Variants in POLR2F observed in about 807,000 individuals in gnomAD.
POLR2F encodes RNA polymerase II, I and III subunit F.
Under a neutral mutation model 22.7 loss-of-function variants are expected in POLR2F, and 12 were observed. That is an observed-to-expected ratio of 0.53 (90% CI 0.34 to 0.86). The LOEUF is 0.86. Among genes scored for constraint, POLR2F ranks in the 40% least tolerant of loss-of-function variants. POLR2F has a pLI of 0.02. For synonymous variants in POLR2F, 57 were observed against 66.0 expected (o/e 0.86, Z 0.66); for missense variants, 126 against 171.5 (o/e 0.73, Z 1.48).
rs1185830797 is a variant in POLR2F at position 37,978,390 on chromosome 22, C to G, written c.293+11220C>G. Among the ~76,000 whole-genome samples the G allele has an allele frequency of 6.6e-6, 1 of 152,208 alleles. No homozygotes were observed. Among genetic ancestry groups the G allele is most frequent in the African/African-American group, 2.4e-5 (1 of 41,452 alleles). Reference sequence around the variant, plus strand: ...CTGGAGGGTGAGAGAGGGGTCAGCCCGCTGCTCCTGGCAGCCCCTGAGGAG... The same window carrying G: ...CTGGAGGGTGAGAGAGGGGTCAGCCGGCTGCTCCTGGCAGCCCCTGAGGAG... On this transcript the variant is annotated intron_variant, in intron 4 of 4. Transcript: ENST00000405557. The surrounding 1 kb of genome is among the most constrained non-coding windows in gnomAD (Gnocchi z 5.0).
At position 37,967,974 on chromosome 22, in the gene POLR2F, T is replaced by C; in HGVS notation, c.*259T>C. ...CACATCCTTCCCTCCATCTCCCTGTTCCCCAGAGCAAAGGCTGCTGCAGGG... is the reference window on the plus strand; with the variant it reads ...CACATCCTTCCCTCCATCTCCCTGTCCCCCAGAGCAAAGGCTGCTGCAGGG... On this transcript the variant is annotated 3_prime_UTR_variant, in exon 5 of 5. Coordinates refer to ENST00000442738, the MANE Select transcript of POLR2F (RefSeq NM_021974.5). The C allele has an allele frequency of 9.0e-7, 1 of 1,114,524 alleles. No individual in the cohort carries two copies. Among genetic ancestry groups the C allele is most frequent in the South Asian group, 3.2e-5 (1 of 31,054 alleles). The allele number at this position is 1,114,524 out of a possible 1,614,324, so 69.0% of individuals were successfully genotyped here.
At position 37,997,839 on chromosome 22, in the gene POLR2F, G is replaced by A. The variant is rs1025588137; in HGVS notation, c.120+11527G>A. Reference sequence around the variant, plus strand: ...CCACAGCTCACCGTCTGTCGAGGGGGGACAGGCAGGAGGTAAGGATGCGTC... The same window carrying A: ...CCACAGCTCACCGTCTGTCGAGGGGAGACAGGCAGGAGGTAAGGATGCGTC... On this transcript the variant is annotated intron_variant, in intron 1 of 2. Transcript: ENST00000333418. This position sits in a 1 kb window ranked among gnomAD's most constrained non-coding sequence, Gnocchi z 4.4. Among the ~76,000 whole-genome samples, 2 of 152,146 alleles carry A rather than the reference G, an allele frequency of 1.3e-5. No homozygotes were observed. The highest frequency in any genetic ancestry group is 2.9e-5 in the Non-Finnish European group (2 of 68,018).
rs759260476 is a variant in POLR2F at position 37,986,783 on chromosome 22, A to G, written c.120+471A>G. On this transcript the variant is annotated intron_variant, in intron 1 of 2. Transcript: ENST00000333418. The surrounding 1 kb of genome is among the most constrained non-coding windows in gnomAD (Gnocchi z 4.7). ...CCCTGCTGCGAACACATCCCTGCCC[A>G]CCATGCTGGCAACTGGGATCCCCTC... 4.3e-6 allele frequency: 2 copies of G among 463,510 alleles called. No individual in the cohort carries two copies. Among genetic ancestry groups the G allele is most frequent in the African/African-American group, 4.0e-5 (2 of 50,340 alleles). 28.7% of individuals were successfully genotyped at this position (463,510 alleles called of 1,614,324 possible).
chr22:37,981,532 G>T (rs899844079), upstream of POLR2F, among the ~76,000 whole-genome samples: 2 of 152,208 alleles, frequency 1.3e-5, no homozygotes, highest in East Asian at 1.9e-4. Context: ...GGGGAACCTG[G>T]GGACAGGGAC....
At chr22:38,037,662 A>G (rs2085129817) in intron 5 of POLR2F, among the ~76,000 whole-genome samples, 1 of 147,780 alleles carries the variant, frequency 6.8e-6, no homozygotes, top group Non-Finnish European at 1.5e-5. Context: ...GCACCATCTC[A>G]GCTCACTGCA....
intron 1 of POLR2F, among the ~76,000 whole-genome samples, chr22:37,954,160 A>ATAAG (rs931230793): frequency 1.3e-5 from 2 of 152,070 alleles, no homozygotes; most frequent in Admixed American, 6.5e-5. Flanking sequence ...TCACAGGCCC[A>ATAAG]TAAGTAAGCA....
downstream of POLR2F, among the ~76,000 whole-genome samples, chr22:38,029,256 G>A (rs867252205): frequency 3.7e-4 from 56 of 152,180 alleles, 1 homozygote; most frequent in African/African-American, 1.3e-3. Context: ...AAATGACCCC[G>A]TCTAAGTCTG....
chr22:38,026,125 G>T lies in POLR2F; in HGVS notation c.379G>T (p.Glu127Ter), dbSNP rs1307782774. ...CCTGCCTGGATCCCCCACTGCCCCA[G>T]AAGGCTGGCCTTCAGATGCCTGGTA... is the stretch of plus-strand genomic sequence containing the variant. The change falls in exon 2 of 3, where the codon GAA (glutamate) becomes TAA (stop). Residue 127 changes from glutamate (E) to a stop codon, truncating the protein, a stop_gained. Transcript: ENST00000333418. LOFTEE classifies it low-confidence loss of function (END_TRUNC). The T allele has an allele frequency of 1.9e-6, 1 of 533,782 alleles. No individual in the cohort carries two copies. The highest frequency in any genetic ancestry group is 1.9e-5 in the Admixed American group (1 of 51,618). The allele number at this position is 533,782 out of a possible 1,614,324, so 33.1% of individuals were successfully genotyped here.
Position 37,968,573 on chromosome 22 carries a change from T to C in POLR2F, c.*858T>C. ...CCCCTTCCTCTGCCTGAGGTTCTAA[T>C]GGGTCCTCTTCCTTTCTCCACCCTG... is the stretch of plus-strand genomic sequence containing the variant. On this transcript the variant is annotated 3_prime_UTR_variant, in exon 5 of 5. Coordinates refer to ENST00000442738, the MANE Select transcript of POLR2F (RefSeq NM_021974.5). 4.1e-6 allele frequency: 4 copies of C among 985,798 alleles called. No individual in the cohort carries two copies. The highest frequency in any genetic ancestry group is 4.8e-6 in the Non-Finnish European group (4 of 830,208). 61.1% of individuals were successfully genotyped at this position (985,798 alleles called of 1,614,324 possible). A position where few individuals can be genotyped will look rare whatever the true frequency, so the allele number is the denominator to read the frequency against.
intron 1 of POLR2F, among the ~76,000 whole-genome samples, chr22:38,014,200 A>C (rs2084896454): frequency 6.6e-6 from 1 of 151,802 alleles, no homozygotes; most frequent in Non-Finnish European, 1.5e-5. Context: ...TGCTAAACTC[A>C]TGTATAATAG....
chr22:38,037,968 G>T (rs768344574), intron 5 of POLR2F, among the ~76,000 whole-genome samples: 1 of 152,050 alleles, frequency 6.6e-6, no homozygotes, highest in African/African-American at 2.4e-5. Flanking sequence ...GTTGGCCGGA[G>T]GTAGCAAGGG....
downstream of POLR2F, chr22:38,041,122 G>A (rs2085168599): frequency 6.2e-7 from 1 of 1,612,856 alleles, no homozygotes; most frequent in Non-Finnish European, 8.5e-7. Context: ...ACAATGCATG[G>A]TGGACGGAAG....
chr22:37,997,548 G>A lies in POLR2F; in HGVS notation c.120+11236G>A, dbSNP rs1376263775. On this transcript the variant is annotated intron_variant, in intron 1 of 2. Transcript: ENST00000333418. The surrounding 1 kb of genome is among the most constrained non-coding windows in gnomAD (Gnocchi z 4.4). ...TCATCTGCCCTGCCTCTGTAAATGTGGGGAGGACCCTGGGAAAATGACAGA... is the reference window on the plus strand; with the variant it reads ...TCATCTGCCCTGCCTCTGTAAATGTAGGGAGGACCCTGGGAAAATGACAGA... Among the ~76,000 whole-genome samples, 5 of 152,054 alleles carry A rather than the reference G, an allele frequency of 3.3e-5. No individual in the cohort carries two copies. The highest frequency in any genetic ancestry group is 4.8e-5 in the African/African-American group (2 of 41,402).
In POLR2F at chr22:37,967,875, G is replaced by A. The variant is rs1372679840; in HGVS notation, c.*160G>A. On this transcript the variant is annotated 3_prime_UTR_variant, in exon 5 of 5. Transcript: ENST00000442738. Reference sequence around the variant, plus strand: ...GTTACCGCCATGCTGCGTGGAGCATGCACCTATTCCAGTGGCCCTGTGACT... The same window carrying A: ...GTTACCGCCATGCTGCGTGGAGCATACACCTATTCCAGTGGCCCTGTGACT... 9.4e-6 allele frequency: 13 copies of A among 1,386,842 alleles called. No homozygotes were observed. Among genetic ancestry groups the A allele is most frequent in the Non-Finnish European group, 1.0e-5 (11 of 1,073,924 alleles). 85.9% of individuals were successfully genotyped at this position (1,386,842 alleles called of 1,614,324 possible). A position where few individuals can be genotyped will look rare whatever the true frequency, so the allele number is the denominator to read the frequency against.
At chr22:38,008,888 AAGC>A (rs967657799) in intron 1 of POLR2F, among the ~76,000 whole-genome samples, 3 of 152,050 alleles carry the variant, frequency 2.0e-5, no homozygotes, top group African/African-American at 7.2e-5. Context: ...AAAAGAAAAA[AAGC>A]AGTGCATTAA....
upstream of POLR2F, among the ~76,000 whole-genome samples, chr22:37,985,914 T>C (rs1932559166): frequency 6.6e-6 from 1 of 151,176 alleles, no homozygotes; most frequent in Admixed American, 6.6e-5. Flanking sequence ...CGGAGCCCAG[T>C]GAATTAGGAG....
At chr22:37,956,481 A>G (rs954951332) in intron 1 of POLR2F, among the ~76,000 whole-genome samples, 2 of 150,382 alleles carry the variant, frequency 1.3e-5, no homozygotes, top group Non-Finnish European at 1.5e-5. Context: ...CAGTGGTGCA[A>G]TCTTGGCTCA....
At chr22:38,027,634 T>A (rs555085842), downstream of POLR2F, among the ~76,000 whole-genome samples, 1 of 152,250 alleles carries the variant, frequency 6.6e-6, no homozygotes, top group East Asian at 1.9e-4. Flanking sequence ...ACAATCCTCA[T>A]TTGCTCCTGC....
intron 5 of POLR2F, among the ~76,000 whole-genome samples, chr22:38,034,903 G>A (rs769787361): frequency 2.0e-5 from 3 of 151,974 alleles, no homozygotes; most frequent in Admixed American, 6.6e-5. Context: ...GGCCTAGGAC[G>A]AGCTGGGGCT....
Sources: allele counts gnomAD v4.1 joint callset (sites outside exome capture counted in the v4.1 genomes callset), GRCh38; gene constraint gnomAD v4.1.1; non-coding constraint Gnocchi (gnomAD v3.1); transcripts MANE v1.5; gene names NCBI Gene and HGNC (gene_info 2026-07-23, HGNC 2026-07-21).